Variants in SVOPL observed in about 807,000 individuals in gnomAD.
SVOPL encodes the protein SVOP like.
A neutral mutation model predicts 61.0 loss-of-function variants in SVOPL; 60 were observed. The ratio of observed to expected loss-of-function variants is 0.98; its 90% CI spans 0.80 to 1.22. SVOPL has a LOEUF of 1.22. Ranked by LOEUF, SVOPL falls within the 50% of genes most tolerant of loss-of-function variation. SVOPL has a pLI of 0.00. For missense variants in SVOPL, 662 were observed against 643.9 expected, an observed-to-expected ratio of 1.03 and a Z score of -0.30; for synonymous variants, 279 against 250.0, an observed-to-expected ratio of 1.12 and a Z score of -1.09.
At position 138,643,132 on chromosome 7, in the gene SVOPL, A is replaced by C. The variant is rs115174343; in HGVS notation, c.789+1585T>G. ...TCTGGGTATATATCCAGAAGAATTG[A>C]AAGTGAGGCCTTGGCCAGGTGCGGT... is the stretch of plus-strand genomic sequence containing the variant. On this transcript the variant is annotated intron_variant, in intron 9 of 15. Coordinates refer to ENST00000674285, the MANE Select transcript of SVOPL (RefSeq NM_001139456.2). 9.2e-3 allele frequency among the ~76,000 whole-genome samples: 1,397 copies of C among 152,102 alleles called. 23 individuals carry two copies. The highest frequency in any genetic ancestry group is 0.031 in the African/African-American group (1,304 of 41,444).
At chr7:138,649,271 G>A in intron 7 of SVOPL, 134 bp from the exon 8 acceptor site, 16 of 1,217,650 alleles carry the variant, frequency 1.3e-5, no homozygotes, top group Non-Finnish European at 1.8e-5. Context: ...TCTTTTGGGA[G>A]CCACTTTGTC....
intron 3 of SVOPL, among the ~76,000 whole-genome samples, chr7:138,677,070 A>ATTT (rs1411168965): frequency 6.6e-6 from 1 of 151,616 alleles, no homozygotes; most frequent in Admixed American, 6.6e-5. Context: ...TGCCCGTCTC[A>ATTT]TTTTTTTGTA....
At chr7:138,610,308 C>T (rs1798942652) in intron 14 of SVOPL, among the ~76,000 whole-genome samples, 1 of 151,738 alleles carries the variant, frequency 6.6e-6, no homozygotes, top group South Asian at 2.1e-4. Context: ...AGTAAAAGAG[C>T]AGGCTATAAA....
intron 3 of SVOPL, among the ~76,000 whole-genome samples, chr7:138,676,488 C>T (rs945975655): frequency 6.6e-6 from 1 of 152,012 alleles, no homozygotes; most frequent in Non-Finnish European, 1.5e-5. Context: ...CAAGCTGAAA[C>T]TCCTGCTGCA....
At chr7:138,661,939 C>T (rs1434609844) in intron 5 of SVOPL, 1 of 985,416 alleles carries the variant, frequency 1.0e-6, no homozygotes, top group Non-Finnish European at 1.2e-6. Context: ...CCACCCCTTA[C>T]CCCCACAATT....
At chr7:138,684,271 G>A (rs559815809) in intron 1 of SVOPL, among the ~76,000 whole-genome samples, 3 of 151,670 alleles carry the variant, frequency 2.0e-5, no homozygotes, top group Admixed American at 6.6e-5. Context: ...AGGCTGAGGC[G>A]GGAGAATCAC....
chr7:138,675,372 G>C (rs1310530207), intron 3 of SVOPL, among the ~76,000 whole-genome samples: 1 of 151,942 alleles, frequency 6.6e-6, no homozygotes, highest in Non-Finnish European at 1.5e-5. Flanking sequence ...TTTTTTAACT[G>C]AGACTGAGTC....
chr7:138,646,781 A>C (rs978178385), intron 8 of SVOPL, among the ~76,000 whole-genome samples: 2 of 152,144 alleles, frequency 1.3e-5, no homozygotes, highest in African/African-American at 2.4e-5. Flanking sequence ...GGTTTTCTAA[A>C]GTGCTGGGAT....
At chr7:138,642,650 A>C (rs1432714021) in intron 9 of SVOPL, among the ~76,000 whole-genome samples, 1 of 151,796 alleles carries the variant, frequency 6.6e-6, no homozygotes, top group Admixed American at 6.6e-5. Flanking sequence ...AACATGGTGG[A>C]AACACTGTCT....
intron 10 of SVOPL, among the ~76,000 whole-genome samples, chr7:138,629,465 T>C (rs540553388): frequency 6.6e-6 from 1 of 152,090 alleles, no homozygotes; most frequent in African/African-American, 2.4e-5. Context: ...ACTCCTGACC[T>C]CAGGTGATCC....
At chr7:138,628,037 G>A (rs994124008) in intron 11 of SVOPL, 121 bp downstream of exon 11, 26 of 1,169,176 alleles carry the variant, frequency 2.2e-5, no homozygotes, top group Non-Finnish European at 3.1e-5. Flanking sequence ...GCACTACTTG[G>A]CAACTTATTC....
At chr7:138,657,044 C>CA (rs11432091) in intron 6 of SVOPL, among the ~76,000 whole-genome samples, 37,200 of 139,108 alleles carry the variant, frequency 0.27, 5,648 homozygotes, top group African/African-American at 0.42. Context: ...GTTGAAAAGA[C>CA]AAAAAAAAAA....
intron 1 of SVOPL, chr7:138,689,531 G>A (rs1802892934): frequency 1.2e-5 from 7 of 569,590 alleles, no homozygotes; most frequent in South Asian, 1.0e-4. Flanking sequence ...AGTAAATTCA[G>A]CATTAAAATA....
chr7:138,649,841 T>C (rs1254481065), intron 7 of SVOPL, among the ~76,000 whole-genome samples: 1 of 152,132 alleles, frequency 6.6e-6, no homozygotes, highest in Non-Finnish European at 1.5e-5. Flanking sequence ...AGGTTGTTTG[T>C]TTGTTTTTGA....
At chr7:138,597,449 G>A (rs1798326685) in intron 14 of SVOPL, among the ~76,000 whole-genome samples, 1 of 152,114 alleles carries the variant, frequency 6.6e-6, no homozygotes, top group African/African-American at 2.4e-5. Context: ...CAATTTGGGA[G>A]CGTACCTCCT....
chr7:138,651,961 G>A (rs561675740), intron 7 of SVOPL, among the ~76,000 whole-genome samples: 4 of 152,128 alleles, frequency 2.6e-5, no homozygotes, highest in South Asian at 2.1e-4. Flanking sequence ...ATGCAGTGGC[G>A]CAATCACGGC....
At chr7:138,684,233 T>C in intron 1 of SVOPL, among the ~76,000 whole-genome samples, 1 of 151,410 alleles carries the variant, frequency 6.6e-6, no homozygotes, top group East Asian at 1.9e-4. Flanking sequence ...GGCACGATGG[T>C]GGGTGCCTGT....
intron 1 of SVOPL, among the ~76,000 whole-genome samples, chr7:138,687,845 A>G (rs1802854850): frequency 6.6e-6 from 1 of 151,908 alleles, no homozygotes; most frequent in African/African-American, 2.4e-5. Flanking sequence ...CTCTGTCACC[A>G]GGCTGGAGTG....
At chr7:138,644,573 AGCCTCACATC>A in intron 9 of SVOPL, 134 bp downstream of exon 9, 1 of 1,179,120 alleles carries the variant, frequency 8.5e-7, no homozygotes, top group Admixed American at 2.9e-5. Flanking sequence ...AAATGAATGT[AGCCTCACATC>A]TTTCCTGGCC....
Sources: gnomAD v4.1 joint callset for allele counts (sites outside exome capture counted in the v4.1 genomes callset) on GRCh38, gnomAD v4.1.1 for gene constraint, MANE v1.5 for transcripts, NCBI Gene and HGNC (gene_info 2026-07-23, HGNC 2026-07-21) for gene names.